The following YTHDF2 variants were observed in gnomAD, a reference collection of about 807,000 sequenced individuals.
The protein encoded by YTHDF2 is YTH N6-methyladenosine RNA binding protein F2.
YTHDF2 carries 2 observed loss-of-function variants against 50.4 expected under a neutral mutation model. The observed-to-expected ratio is 0.04, with a 90% CI of 0.02 to 0.12. The LOEUF is 0.12. YTHDF2 is among the 10% of genes least tolerant of loss of function. YTHDF2 has a pLI of 1.00. For missense variants in YTHDF2, 483 were observed against 722.6 expected, an observed-to-expected ratio of 0.67 and a Z score of 3.80; for synonymous variants, 217 against 255.6, an observed-to-expected ratio of 0.85 and a Z score of 1.44.
chr1:28,737,661 C>T lies in YTHDF2; in HGVS notation c.31C>T (p.Pro11Ser). ...GCGACGTTTCCTTCCCCTGCAGAGACCAAAAGGTCAAGGAAACAAAGGTAA... is the reference window on the plus strand; with the variant it reads ...GCGACGTTTCCTTCCCCTGCAGAGATCAAAAGGTCAAGGAAACAAAGGTAA... MSASSLLEQR[P>S]KGQGNKVQNG... The change falls in exon 2 of 5, where the codon CCA becomes TCA. Residue 11 changes from proline (P) to serine (S), a missense_variant. Pro to Ser is a moderately conservative substitution (Grantham distance 74). This residue lies in a region of YTHDF2 where 385 missense variants were observed against 475.8 expected (regional missense o/e 0.81). Transcript: ENST00000373812. 1 of 1,613,978 alleles carries T rather than the reference C, an allele frequency of 6.2e-7. No homozygotes were observed. The highest frequency in any genetic ancestry group is 8.5e-7 in the Non-Finnish European group (1 of 1,179,904).
At position 28,747,523 on chromosome 1, in the gene YTHDF2, T is replaced by TA. The variant is rs57710499; in HGVS notation, c.1716+3552dup. Among the ~76,000 whole-genome samples the TA allele has an allele frequency of 4.5e-3, 545 of 119,848 alleles. 6 individuals are homozygous for TA. The highest frequency in any genetic ancestry group is 0.015 in the African/African-American group (449 of 30,696). The allele number at this position is 119,848 out of a possible 152,430, so 78.6% of individuals were successfully genotyped here. A position where few individuals can be genotyped will look rare whatever the true frequency, so the allele number is the denominator to read the frequency against. ...GCCTGGTGAAAGAGCAAAACTTGTC[T>TA]AAAAAAAAAAAAAAACCATTCCATA... On this transcript the variant is annotated intron_variant, in intron 4 of 4. Transcript: ENST00000373812.
rs1391680688 is a variant in YTHDF2, at chr1:28,743,158, A to G, written c.888A>G (p.Ile296Met). 1.1e-5 allele frequency: 18 copies of G among 1,614,004 alleles called. No homozygotes were observed. Among genetic ancestry groups the G allele is most frequent in the African/African-American group, 5.3e-5 (4 of 74,912 alleles). Residue 296 changes from isoleucine to methionine, a missense_variant, in exon 4 of 5, where the codon ATA becomes ATG. Around this residue, in one of 4 missense-constraint regions of YTHDF2, gnomAD observed 385 missense variants for 475.8 expected, o/e 0.81. Transcript: ENST00000373812. The surrounding 1 kb of genome is among the most constrained non-coding windows in gnomAD (Gnocchi z 6.9). Reference protein sequence around the residue: ...KAPSQALVQNIGQPTQGSPQP... With the variant: ...KAPSQALVQNMGQPTQGSPQP... ...CCTCACAGGCTTTGGTTCAGAATATAGGTCAGCCAACCCAGGGGTCTCCTC... is the reference window on the plus strand; with the variant it reads ...CCTCACAGGCTTTGGTTCAGAATATGGGTCAGCCAACCCAGGGGTCTCCTC...
chr1:28,767,998 C>T (rs1198857622), intron 4 of YTHDF2, among the ~76,000 whole-genome samples: 2 of 150,268 alleles, frequency 1.3e-5, no homozygotes, highest in Admixed American at 6.7e-5. Context: ...GTCAGGAGTT[C>T]GAGACCAGCC....
chr1:28,764,857 G>T (rs2088194018), intron 4 of YTHDF2, among the ~76,000 whole-genome samples: 1 of 151,426 alleles, frequency 6.6e-6, no homozygotes, highest in African/African-American at 2.4e-5. Context: ...ATGTTTTTTT[G>T]TTTTTTGTTT....
Position 28,749,986 on chromosome 1 carries a change from G to GGTT in YTHDF2, c.1716+6000_1716+6001insGTT, listed in dbSNP as rs762743600. ...ATTGAAATTTTTGAAAAAAAAGGTT[G>GGTT]TTTTTTTTTTTTTTTTTTTTTGAGA... On this transcript the variant is annotated intron_variant, in intron 4 of 4. Coordinates refer to ENST00000373812, the MANE Select transcript of YTHDF2 (RefSeq NM_016258.3). 6.6e-4 allele frequency among the ~76,000 whole-genome samples: 52 copies of GGTT among 78,328 alleles called. 2 individuals are homozygous for GGTT. The highest frequency in any genetic ancestry group is 2.1e-3 in the Admixed American group (11 of 5,122). 51.4% of individuals were successfully genotyped at this position (78,328 alleles called of 152,430 possible). A position where few individuals can be genotyped will look rare whatever the true frequency, so the allele number is the denominator to read the frequency against.
intron 4 of YTHDF2, among the ~76,000 whole-genome samples, chr1:28,762,081 A>C (rs2088143950): frequency 6.6e-6 from 1 of 152,122 alleles, no homozygotes. Context: ...TTTTTGTGTC[A>C]TCACATCACT....
At chr1:28,766,168 G>A (rs904249464) in intron 4 of YTHDF2, among the ~76,000 whole-genome samples, 2 of 152,146 alleles carry the variant, frequency 1.3e-5, no homozygotes, top group Admixed American at 6.5e-5. Flanking sequence ...GCAGTGGCAC[G>A]ATCATGGCTC....
chr1:28,762,547 G>C (rs901247833), intron 4 of YTHDF2, among the ~76,000 whole-genome samples: 2 of 152,140 alleles, frequency 1.3e-5, no homozygotes, highest in African/African-American at 4.8e-5. Flanking sequence ...TTGTGGGAGA[G>C]ATAAACATTT....
chr1:28,768,744 G>GT lies in YTHDF2; in HGVS notation c.1717-182dup, dbSNP rs1359740549. On this transcript the variant is annotated intron_variant, in intron 4 of 4. Transcript: ENST00000373812. ...GTCAAAAGTAATTTTGCATTAAGGTGTTTAAGTGTTTAAAACAAAGTAAAA... is the reference window on the plus strand; with the variant it reads ...GTCAAAAGTAATTTTGCATTAAGGTGTTTTAAGTGTTTAAAACAAAGTAAAA... 9.2e-5 allele frequency among the ~76,000 whole-genome samples: 14 copies of GT among 152,236 alleles called. No individual in the cohort carries two copies. In the East Asian group the frequency reaches 2.7e-3, roughly 29 times the overall value.
intron 4 of YTHDF2, among the ~76,000 whole-genome samples, chr1:28,746,974 T>C: frequency 6.6e-6 from 1 of 151,410 alleles, no homozygotes; most frequent in Non-Finnish European, 1.5e-5. Flanking sequence ...CCCAGCTACT[T>C]GGGAGGCTGA....
Position 28,742,577 on chromosome 1 carries a change from G to A in YTHDF2, c.307G>A (p.Ala103Thr). ...CGGAGAGCCCCACTTCCTACCAGATGCAATGTTTGGGCAACCAGGAGCCCT... is the reference window on the plus strand; with the variant it reads ...CGGAGAGCCCCACTTCCTACCAGATACAATGTTTGGGCAACCAGGAGCCCT... ...SNGEPHFLPD[A>T]MFGQPGALGS... Residue 103 changes from alanine (A) to threonine (T), a missense_variant, in exon 4 of 5, where the codon GCA becomes ACA. By Grantham distance (58) the Ala-to-Thr change is moderately conservative. This residue lies in a region of YTHDF2 where 385 missense variants were observed against 475.8 expected (regional missense o/e 0.81). Transcript: ENST00000373812. 2 of 1,613,988 alleles carry A rather than the reference G, an allele frequency of 1.2e-6. No homozygotes were observed. The highest frequency in any genetic ancestry group is 2.2e-5 in the South Asian group (2 of 91,082).
chr1:28,756,620 C>T (rs1029245196), intron 4 of YTHDF2, among the ~76,000 whole-genome samples: 2 of 151,882 alleles, frequency 1.3e-5, no homozygotes, highest in African/African-American at 4.8e-5. Flanking sequence ...GGGAATGATG[C>T]ATGGAAGATG....
chr1:28,766,568 T>A (rs887775834), intron 4 of YTHDF2, among the ~76,000 whole-genome samples: 1 of 152,168 alleles, frequency 6.6e-6, no homozygotes, highest in African/African-American at 2.4e-5. Flanking sequence ...TAAAGTGTTG[T>A]CCACCAGGTT....
At chr1:28,768,499 A>AGGACTT (rs1171494118) in intron 4 of YTHDF2, among the ~76,000 whole-genome samples, 14 of 152,202 alleles carry the variant, frequency 9.2e-5, no homozygotes, top group Non-Finnish European at 1.2e-4. Flanking sequence ...AAGGAAATTG[A>AGGACTT]GGACTTATGA....
At chr1:28,756,654 T>C (rs1035509257) in intron 4 of YTHDF2, among the ~76,000 whole-genome samples, 5 of 152,014 alleles carry the variant, frequency 3.3e-5, no homozygotes, top group Admixed American at 3.3e-4. Context: ...TGTTTTGATA[T>C]GGGAGAAGTA....
In YTHDF2 at chr1:28,764,266, ATTTATT is replaced by A. The variant is rs761312850; in HGVS notation, c.1717-4647_1717-4642del. Among the ~76,000 whole-genome samples, 819 of 141,494 alleles carry A rather than the reference ATTTATT, an allele frequency of 5.8e-3. 16 individuals are homozygous for A. The highest frequency in any genetic ancestry group is 4.9e-3 in the Non-Finnish European group (320 of 65,080). 92.8% of individuals were successfully genotyped at this position (141,494 alleles called of 152,430 possible). ...GTGCCCGGCCCAATTTTTTATTTTT[ATTTATT>A]TTTATTTTTATTTTTTTGAGACGGA... is the stretch of plus-strand genomic sequence containing the variant. On this transcript the variant is annotated intron_variant, in intron 4 of 4. Coordinates refer to ENST00000373812, the MANE Select transcript of YTHDF2 (RefSeq NM_016258.3).
intron 4 of YTHDF2, among the ~76,000 whole-genome samples, chr1:28,767,335 T>C (rs909474372): frequency 6.6e-6 from 1 of 152,144 alleles, no homozygotes; most frequent in Non-Finnish European, 1.5e-5. Flanking sequence ...TAAATGCTAT[T>C]AAGTATGCCA....
intron 3 of YTHDF2, among the ~76,000 whole-genome samples, chr1:28,741,642 A>G (rs1046512738): frequency 6.6e-6 from 1 of 152,080 alleles, no homozygotes; most frequent in Admixed American, 6.6e-5. Context: ...TTTCCTTTTC[A>G]GGTTATAACT....
At chr1:28,748,247 C>T (rs1235219951) in intron 4 of YTHDF2, among the ~76,000 whole-genome samples, 3 of 152,124 alleles carry the variant, frequency 2.0e-5, no homozygotes, top group African/African-American at 7.2e-5. Context: ...TACTATTTTC[C>T]TTAACATCTT....
Sources: gnomAD v4.1 joint callset for allele counts (sites outside exome capture counted in the v4.1 genomes callset) on GRCh38, gnomAD v4.1.1 for gene constraint, gnomAD v4.1.1 regional missense constraint, Gnocchi (gnomAD v3.1) non-coding constraint, MANE v1.5 for transcripts, NCBI Gene and HGNC (gene_info 2026-07-23, HGNC 2026-07-21) for gene names.